The following INPP5A variants were observed in gnomAD, a reference collection of about 807,000 sequenced individuals.
INPP5A encodes the protein 43 kDa inositol polyphosphate 5-phophatase.
In INPP5A, 14 loss-of-function variants were observed where a neutral mutation model predicts 65.2. The ratio of observed to expected loss-of-function variants is 0.21; its 90% CI spans 0.14 to 0.34. The LOEUF (loss-of-function observed/expected upper bound fraction) is 0.34, where lower values mean the gene tolerates loss of function less well. Ranked by LOEUF, INPP5A falls within the 10% of genes least tolerant of loss-of-function variation. The pLI is 1.00. For synonymous variants in INPP5A, 207 were observed against 208.3 expected, an observed-to-expected ratio of 0.99 and a Z score of 0.05; for missense variants, 431 against 545.6, an observed-to-expected ratio of 0.79 and a Z score of 2.09.
rs182403247 is a variant in INPP5A, at chr10:132,685,189, G to A, written c.307-5203G>A. On this transcript the variant is annotated intron_variant, in intron 4 of 15. Transcript: ENST00000368594. ...TGAGTCACTGTTGATAAGCACGGTCGGCCTTAGTCAGGGCTCCCCTGGGCC... is the reference window on the plus strand; with the variant it reads ...TGAGTCACTGTTGATAAGCACGGTCAGCCTTAGTCAGGGCTCCCCTGGGCC... Among the ~76,000 whole-genome samples, 40 of 152,326 alleles carry A rather than the reference G, an allele frequency of 2.6e-4. 1 individual carries two copies. The highest frequency in any genetic ancestry group is 2.1e-3 in the Admixed American group (32 of 15,306).
At chr10:132,726,973 A>AGCGTG in intron 9 of INPP5A, 68 bp downstream of exon 9, 1 of 1,134,594 alleles carries the variant, frequency 8.8e-7, no homozygotes, top group Non-Finnish European at 1.3e-6. Context: ...CAGTGGAAGG[A>AGCGTG]GCGTGGCCCC....
intron 2 of INPP5A, among the ~76,000 whole-genome samples, chr10:132,613,987 A>T (rs2071995226): frequency 6.6e-6 from 1 of 152,240 alleles, no homozygotes; most frequent in Admixed American, 6.5e-5. Context: ...GGTCTTTTAG[A>T]AACCCTTTCT....
chr10:132,778,460 T>A (rs1456875466), intron 13 of INPP5A, among the ~76,000 whole-genome samples: 3 of 151,906 alleles, frequency 2.0e-5, no homozygotes, highest in Admixed American at 6.6e-5. Flanking sequence ...CTGCACCCGG[T>A]CAATCCTGTG....
At chr10:132,761,495 A>G (rs535172939) in intron 11 of INPP5A, among the ~76,000 whole-genome samples, 6 of 151,004 alleles carry the variant, frequency 4.0e-5, no homozygotes, top group Admixed American at 1.3e-4. Flanking sequence ...TGTGCTCAGC[A>G]GGTGAGCAGC....
chr10:132,716,451 C>T lies in INPP5A; in HGVS notation c.647+5995C>T, dbSNP rs114833215. Reference sequence around the variant, plus strand: ...ACCAACATGTCCAGCATCCTGTGAACGGAGTCTGCCGGACGTCTCCACGAG... The same window carrying T: ...ACCAACATGTCCAGCATCCTGTGAATGGAGTCTGCCGGACGTCTCCACGAG... On this transcript the variant is annotated intron_variant, in intron 8 of 15. Transcript: ENST00000368594. Among the ~76,000 whole-genome samples the T allele has an allele frequency of 3.7e-3, 571 of 152,346 alleles. 4 individuals carry two copies. Among genetic ancestry groups the T allele is most frequent in the Middle Eastern group, 0.014 (4 of 294 alleles).
intron 4 of INPP5A, among the ~76,000 whole-genome samples, chr10:132,665,756 A>C (rs1189231819): frequency 2.7e-5 from 4 of 146,398 alleles, no homozygotes; most frequent in African/African-American, 5.1e-5. Context: ...TAATCCCAGC[A>C]CTCTGGGAGG....
At chr10:132,589,597 G>A (rs930021351) in intron 1 of INPP5A, among the ~76,000 whole-genome samples, 3 of 152,236 alleles carry the variant, frequency 2.0e-5, no homozygotes, top group Admixed American at 1.3e-4. Context: ...GTTTCTTGCC[G>A]GTGTGCACTG....
chr10:132,547,658 C>T lies in INPP5A; in HGVS notation c.75+9487C>T, dbSNP rs1193044953. ...AACAGGACTTGGTTTTTCAGGCCTT[C>T]ATGCCTCAGCTTGAGGGGCTCTTTT... On this transcript the variant is annotated intron_variant, in intron 1 of 15. Transcript: ENST00000368594. This position sits in a 1 kb window ranked among gnomAD's most constrained non-coding sequence, Gnocchi z 5.5. 6.6e-6 allele frequency among the ~76,000 whole-genome samples: 1 copy of T among 152,180 alleles called. No homozygotes were observed. Among genetic ancestry groups the T allele is most frequent in the African/African-American group, 2.4e-5 (1 of 41,444 alleles).
chr10:132,562,463 TGC>T (rs2071218845), intron 1 of INPP5A, among the ~76,000 whole-genome samples: 1 of 152,226 alleles, frequency 6.6e-6, no homozygotes, highest in African/African-American at 2.4e-5. Flanking sequence ...GTGAGGAGTG[TGC>T]ACCCAGCAGC....
intron 1 of INPP5A, among the ~76,000 whole-genome samples, chr10:132,552,161 G>A (rs1250460322): frequency 3.9e-5 from 6 of 152,004 alleles, no homozygotes; most frequent in Admixed American, 6.5e-5. Flanking sequence ...TATTGAGTGG[G>A]ATAGGGAGGG....
At chr10:132,702,359 C>T (rs1590936949) in intron 6 of INPP5A, among the ~76,000 whole-genome samples, 1 of 152,166 alleles carries the variant, frequency 6.6e-6, no homozygotes, top group Non-Finnish European at 1.5e-5. Flanking sequence ...GGAAAAAATT[C>T]TCCATTACTG....
intron 2 of INPP5A, among the ~76,000 whole-genome samples, chr10:132,614,046 T>C (rs564517090): frequency 6.6e-6 from 1 of 152,356 alleles, no homozygotes; most frequent in East Asian, 1.9e-4. Context: ...CAGAAAAGCC[T>C]GTGTGTGCCT....
In INPP5A at chr10:132,658,127, T is replaced by C. The variant is rs796334491; in HGVS notation, c.306+7622T>C. On this transcript the variant is annotated intron_variant, in intron 4 of 15. Transcript: ENST00000368594. Reference sequence around the variant, plus strand: ...ATAACTCGGATCCAAATTAAAAATATTGATCTCTGGAAGGTGTTGAAAGTA... The same window carrying C: ...ATAACTCGGATCCAAATTAAAAATACTGATCTCTGGAAGGTGTTGAAAGTA... Among the ~76,000 whole-genome samples the C allele has an allele frequency of 4.6e-5, 7 of 152,360 alleles. 1 individual carries two copies. The highest frequency in any genetic ancestry group is 1.7e-4 in the African/African-American group (7 of 41,586).
rs2070995288 is a variant in INPP5A, at chr10:132,547,626, T to G, written c.75+9455T>G. Among the ~76,000 whole-genome samples the G allele has an allele frequency of 6.6e-6, 1 of 152,178 alleles. No individual in the cohort carries two copies. Among genetic ancestry groups the G allele is most frequent in the African/African-American group, 2.4e-5 (1 of 41,442 alleles). On this transcript the variant is annotated intron_variant, in intron 1 of 15. Coordinates refer to ENST00000368594, the MANE Select transcript of INPP5A (RefSeq NM_005539.5). This position sits in a 1 kb window ranked among gnomAD's most constrained non-coding sequence, Gnocchi z 5.5. ...TCCTCCTTCTCTACCCAAGCGCCCG[T>G]GGCCTGAACAGGACTTGGTTTTTCA...
chr10:132,681,883 A>G (rs1381136052), intron 4 of INPP5A, among the ~76,000 whole-genome samples: 1 of 152,248 alleles, frequency 6.6e-6, no homozygotes, highest in Non-Finnish European at 1.5e-5. Context: ...TCTGGCAAGC[A>G]CTACAACATG....
rs114253902 is a variant in INPP5A at position 132,564,227 on chromosome 10, G to C, written c.75+26056G>C. Among the ~76,000 whole-genome samples, 965 of 152,276 alleles carry C rather than the reference G, an allele frequency of 6.3e-3. 7 individuals carry two copies. The highest frequency in any genetic ancestry group is 0.021 in the African/African-American group (877 of 41,544). ...GTATGGCCACCGCCATCAGTGGGGA[G>C]ACCATGATTGGTCCCTGGGGTGACA... On this transcript the variant is annotated intron_variant, in intron 1 of 15. Transcript: ENST00000368594.
intron 12 of INPP5A, among the ~76,000 whole-genome samples, chr10:132,768,235 G>A (rs61860771): frequency 4.4e-5 from 5 of 113,776 alleles, no homozygotes; most frequent in East Asian, 2.9e-4. Context: ...CCGACCCTCA[G>A]CGTTCCCAGG....
intron 2 of INPP5A, among the ~76,000 whole-genome samples, chr10:132,620,211 G>A (rs935043739): frequency 6.6e-5 from 10 of 152,218 alleles, no homozygotes; most frequent in African/African-American, 2.4e-4. Flanking sequence ...AGGCCTTTTT[G>A]TCATTGTCTC....
intron 1 of INPP5A, among the ~76,000 whole-genome samples, chr10:132,607,196 C>A (rs1025852378): frequency 6.6e-6 from 1 of 152,184 alleles, no homozygotes; most frequent in African/African-American, 2.4e-5. Flanking sequence ...GCGACTGGGC[C>A]GTCCCTTCTC....
Sources: allele counts gnomAD v4.1 joint callset (sites outside exome capture counted in the v4.1 genomes callset), GRCh38; gene constraint gnomAD v4.1.1; non-coding constraint Gnocchi (gnomAD v3.1); transcripts MANE v1.5; gene names NCBI Gene and HGNC (gene_info 2026-07-23, HGNC 2026-07-21).